The following MMRN1 variants were observed in gnomAD, a reference collection of about 807,000 sequenced individuals.
MMRN1 encodes the protein multimerin 1, also known as multimerin-1.
MMRN1 carries 94 observed loss-of-function variants against 100.7 expected under a neutral mutation model. That is an observed-to-expected ratio of 0.93 (90% CI 0.79 to 1.11). MMRN1 has a LOEUF of 1.11. Among genes scored for constraint, MMRN1 ranks in the 50% least tolerant of loss-of-function variants. The pLI, the probability that MMRN1 is intolerant of heterozygous loss-of-function variation, is 0.00. For missense variants in MMRN1, 1,606 were observed against 1,439.1 expected, an observed-to-expected ratio of 1.12 and a Z score of -1.88; for synonymous variants, 575 against 505.0, an observed-to-expected ratio of 1.14 and a Z score of -1.86.
At chr4:89,917,426 A>G (rs1327911324) in intron 3 of MMRN1, among the ~76,000 whole-genome samples, 5 of 151,858 alleles carry the variant, frequency 3.3e-5, no homozygotes, top group South Asian at 2.1e-4. Flanking sequence ...CCTCTTGATT[A>G]TGATGATTGG....
In MMRN1 at chr4:89,936,191, C is replaced by G; in HGVS notation, c.2511C>G (p.Tyr837Ter). The change falls in exon 6 of 8, where the codon TAC becomes TAG. Residue 837 changes from tyrosine to a stop codon, truncating the protein, a stop_gained. Transcript: ENST00000264790. LOFTEE classifies it high-confidence loss of function. ...AAACCACTTCCCAAGTGAGAAAATA[C>G]CAGCAAAATATGAGTCATTTGGAAG... ...FNETTSQVRK[Y>*]QQNMSHLEEK... 6.2e-7 allele frequency: 1 copy of G among 1,608,794 alleles called. No individual in the cohort carries two copies. The highest frequency in any genetic ancestry group is 8.5e-7 in the Non-Finnish European group (1 of 1,178,636).
chr4:89,891,159 T>G (rs1294432287), upstream of MMRN1, among the ~76,000 whole-genome samples: 1 of 152,122 alleles, frequency 6.6e-6, no homozygotes, highest in Non-Finnish European at 1.5e-5. Context: ...CAATGGGCTT[T>G]CTGAATTTTC....
chr4:89,953,241 T>A lies in MMRN1; in HGVS notation c.3510T>A (p.Leu1170=), dbSNP rs1275433584. Reference sequence around the variant, plus strand: ...TAGTGGTTGATGGAATAGACAAGCTTGCATTTGAGTCTGAAAATATTAACA... The same window carrying A: ...TAGTGGTTGATGGAATAGACAAGCTAGCATTTGAGTCTGAAAATATTAACA... ...GFLVVDGIDK[L]AFESENINSE... The change falls in exon 8 of 8, where the codon CTT becomes CTA. Residue 1170 remains leucine (L), a synonymous_variant. Coordinates refer to ENST00000264790, the MANE Select transcript of MMRN1 (RefSeq NM_007351.3). 1 of 1,613,890 alleles carries A rather than the reference T, an allele frequency of 6.2e-7. No individual in the cohort carries two copies. The highest frequency in any genetic ancestry group is 1.1e-5 in the South Asian group (1 of 91,068).
At chr4:89,896,191 G>A (rs1016039347) in intron 1 of MMRN1, among the ~76,000 whole-genome samples, 1 of 151,936 alleles carries the variant, frequency 6.6e-6, no homozygotes, top group African/African-American at 2.4e-5. Context: ...AACTTTGCAG[G>A]GTTCTCGTTC....
At chr4:89,881,546 TGAAG>T (rs1379581867) in intron 1 of MMRN1, among the ~76,000 whole-genome samples, 2 of 152,060 alleles carry the variant, frequency 1.3e-5, no homozygotes, top group African/African-American at 4.8e-5. Context: ...TTCTTGTAAA[TGAAG>T]GATGATAGAA....
chr4:89,930,378 G>T (rs1029212375), intron 5 of MMRN1, among the ~76,000 whole-genome samples: 4 of 151,940 alleles, frequency 2.6e-5, no homozygotes, highest in Admixed American at 2.0e-4. Context: ...CATTTTCATT[G>T]TTTTTTCTCC....
intron 1 of MMRN1, among the ~76,000 whole-genome samples, chr4:89,904,635 T>C (rs1276000548): frequency 2.0e-5 from 3 of 151,814 alleles, no homozygotes; most frequent in Non-Finnish European, 4.4e-5. Flanking sequence ...AGTGTGCGTG[T>C]GTGTCTGTGT....
intron 1 of MMRN1, among the ~76,000 whole-genome samples, chr4:89,884,254 A>G (rs971491460): frequency 6.6e-6 from 1 of 152,270 alleles, no homozygotes; most frequent in Non-Finnish European, 1.5e-5. Context: ...GCTAAGATTA[A>G]TTAATATTGT....
intron 1 of MMRN1, among the ~76,000 whole-genome samples, chr4:89,898,723 G>T (rs1364917688): frequency 3.9e-5 from 6 of 152,000 alleles, no homozygotes; most frequent in African/African-American, 1.4e-4. Context: ...GACTAACAAT[G>T]GGCCCTCTTT....
Position 89,927,888 on chromosome 4 carries a change from A to G in MMRN1, c.1049A>G (p.Asn350Ser), listed in dbSNP as rs1197376463. The stretch of plus-strand genomic sequence containing the variant: ...ATTGACAATATTTCTTTGACTGTGA[A>G]TGATGTAAGGAACACTTACTCCTCC... ...KKIDNISLTV[N>S]DVRNTYSSLE... The change falls in exon 5 of 8, where the codon AAT becomes AGT. Residue 350 changes from asparagine (N) to serine (S), a missense_variant. By Grantham distance (46) the Asn-to-Ser change is conservative. Coordinates refer to ENST00000264790, the MANE Select transcript of MMRN1 (RefSeq NM_007351.3). 1 of 1,611,972 alleles carries G rather than the reference A, an allele frequency of 6.2e-7. No individual in the cohort carries two copies. The highest frequency in any genetic ancestry group is 1.7e-5 in the Admixed American group (1 of 59,734).
At chr4:89,882,812 T>C (rs752653593) in intron 1 of MMRN1, among the ~76,000 whole-genome samples, 3 of 151,986 alleles carry the variant, frequency 2.0e-5, no homozygotes, top group Non-Finnish European at 4.4e-5. Context: ...TTCTGCTTCA[T>C]GAGTTTTGAC....
chr4:89,914,886 A>T (rs992702226), intron 3 of MMRN1, among the ~76,000 whole-genome samples: 7 of 151,528 alleles, frequency 4.6e-5, no homozygotes, highest in Non-Finnish European at 1.0e-4. Context: ...ATAGTGTTAG[A>T]TTACAGAGGA....
At chr4:89,952,565 G>A (rs993890077) in intron 7 of MMRN1, among the ~76,000 whole-genome samples, 13 of 152,152 alleles carry the variant, frequency 8.5e-5, no homozygotes, top group Admixed American at 8.5e-4. Flanking sequence ...TTAGCCTTTA[G>A]AAACTGCTTG....
At chr4:89,939,018 C>G (rs574441632) in intron 6 of MMRN1, among the ~76,000 whole-genome samples, 177 of 151,990 alleles carry the variant, frequency 1.2e-3, no homozygotes, top group Non-Finnish European at 2.2e-3. Context: ...TTCCATGGGC[C>G]ATAGAACAGA....
intron 1 of MMRN1, among the ~76,000 whole-genome samples, chr4:89,885,659 G>T (rs1184446302): frequency 6.6e-6 from 1 of 152,026 alleles, no homozygotes; most frequent in Non-Finnish European, 1.5e-5. Flanking sequence ...TTTCATTTAA[G>T]TTGCCAGATA....
rs1722559796 is a variant in MMRN1, at chr4:89,934,999, A to G, written c.1319A>G (p.Gln440Arg). ...GAATCTGTGGTTTCAATAGCAGCCC[A>G]GCAAAAGTTTGTTTTGGTGCAAGAG... ...VNESVVSIAA[Q>R]QKFVLVQENR... The change falls in exon 6 of 8, where the codon CAG (glutamine) becomes CGG (arginine). Residue 440 changes from glutamine to arginine, a missense_variant. Physicochemically the swap from Gln to Arg is conservative, Grantham distance 43. Coordinates refer to ENST00000264790, the MANE Select transcript of MMRN1 (RefSeq NM_007351.3). The G allele has an allele frequency of 1.2e-6, 2 of 1,612,858 alleles. No individual in the cohort carries two copies. The highest frequency in any genetic ancestry group is 1.7e-5 in the Admixed American group (1 of 59,828).
chr4:89,887,675 T>C (rs1275659467), intron 1 of MMRN1, among the ~76,000 whole-genome samples: 1 of 152,074 alleles, frequency 6.6e-6, no homozygotes, highest in Non-Finnish European at 1.5e-5. Flanking sequence ...ATTTTTGTTC[T>C]AACAATTAAA....
intron 4 of MMRN1, among the ~76,000 whole-genome samples, chr4:89,926,004 C>T (rs961454528): frequency 7.2e-5 from 11 of 152,112 alleles, no homozygotes; most frequent in Non-Finnish European, 1.5e-5. Context: ...ATATATACCA[C>T]ATTTTCTTTA....
chr4:89,936,383 C>G lies in MMRN1; in HGVS notation c.2703C>G (p.Ser901=). 6.2e-7 allele frequency: 1 copy of G among 1,608,740 alleles called. No homozygotes were observed. Among genetic ancestry groups the G allele is most frequent in the Non-Finnish European group, 8.5e-7 (1 of 1,178,520 alleles). The change falls in exon 6 of 8, where the codon TCC becomes TCG. Residue 901 remains serine (S), a synonymous_variant. Coordinates refer to ENST00000264790, the MANE Select transcript of MMRN1 (RefSeq NM_007351.3). ...CTCTTCAACTGCAAGTATTAAATTC[C>G]AGATTTAAGGCGTTGGAAGCAAAAT... The part of the protein sequence containing the change: ...DQALQLQVLN[S]RFKALEAKSI...
Sources: allele counts gnomAD v4.1 joint callset (sites outside exome capture counted in the v4.1 genomes callset), GRCh38; gene constraint gnomAD v4.1.1; transcripts MANE v1.5; gene names NCBI Gene and HGNC (gene_info 2026-07-23, HGNC 2026-07-21).